The following EXOC3L2 variants were observed in gnomAD, a reference collection of about 807,000 sequenced individuals.
EXOC3L2 encodes the protein exocyst complex component 3-like protein 2.
In EXOC3L2, 17 loss-of-function variants were observed where a neutral mutation model predicts 44.4. That is an observed-to-expected ratio of 0.38 (90% CI 0.26 to 0.57). The LOEUF is 0.57. Among genes scored for constraint, EXOC3L2 ranks in the 20% least tolerant of loss-of-function variants. The pLI is 0.65. For missense variants in EXOC3L2, 541 were observed against 588.4 expected (o/e 0.92, Z 0.83); for synonymous variants, 256 against 253.7 (o/e 1.01, Z -0.09).
At chr19:45,235,872 C>G (rs78687179) in intron 2 of EXOC3L2, among the ~76,000 whole-genome samples, 3,523 of 152,228 alleles carry the variant, frequency 0.023, 146 homozygotes, top group African/African-American at 0.082. Context: ...AGGTCCCCAG[C>G]CCTGGAGCAG....
At chr19:45,219,366 C>T (rs1309347275) in intron 8 of EXOC3L2, among the ~76,000 whole-genome samples, 1 of 139,288 alleles carries the variant, frequency 7.2e-6, no homozygotes, top group Non-Finnish European at 1.5e-5. Flanking sequence ...TGCACTCCAG[C>T]CTGGGTAACA....
At chr19:45,227,838 G>T in intron 6 of EXOC3L2, 66 bp from the exon 7 acceptor site, 1 of 1,544,930 alleles carries the variant, frequency 6.5e-7, no homozygotes. Context: ...CACCCAGCCT[G>T]CCAAAGCCAC....
chr19:45,235,743 G>A (rs1970078086), intron 2 of EXOC3L2, among the ~76,000 whole-genome samples: 1 of 152,170 alleles, frequency 6.6e-6, no homozygotes, highest in African/African-American at 2.4e-5. Flanking sequence ...CAGAAGGCGG[G>A]GCTCTAGTCA....
chr19:45,234,240 C>T lies in EXOC3L2; in HGVS notation c.1110G>A (p.Leu370=), dbSNP rs972691203. The change falls in exon 3 of 12, where the codon CTG becomes CTA. Residue 370 remains leucine, a synonymous_variant. Coordinates refer to ENST00000413988, the MANE Select transcript of EXOC3L2 (RefSeq NM_001382422.1). This position sits in a 1 kb window ranked among gnomAD's most constrained non-coding sequence, Gnocchi z 5.0. ...LGASARRRLP[L]ADRYALLHWH... ...AGTGCAGCAGCGCGTAGCGGTCGGC[C>T]AGCGGCAGCCTGCGACGGGCGGAGG... 2.5e-6 allele frequency: 1 copy of T among 396,854 alleles called. No homozygotes were observed. Among genetic ancestry groups the T allele is most frequent in the Non-Finnish European group, 4.4e-6 (1 of 224,808 alleles). 24.6% of individuals were successfully genotyped at this position (396,854 alleles called of 1,614,324 possible).
chr19:45,223,766 C>T (rs2122967038), intron 8 of EXOC3L2, among the ~76,000 whole-genome samples: 1 of 151,068 alleles, frequency 6.6e-6, no homozygotes, highest in South Asian at 2.1e-4. Flanking sequence ...CCGAGGTGGG[C>T]AGATCACATG....
intron 8 of EXOC3L2, among the ~76,000 whole-genome samples, chr19:45,220,263 C>T (rs1969882597): frequency 6.6e-6 from 1 of 152,006 alleles, no homozygotes; most frequent in African/African-American, 2.4e-5. Context: ...TCAAGAATTG[C>T]TTGAGCCAAG....
At chr19:45,216,274 C>G (rs1969834118) in intron 10 of EXOC3L2, 80 bp from the exon 11 acceptor site, 2 of 1,543,056 alleles carry the variant, frequency 1.3e-6, no homozygotes, top group East Asian at 4.6e-5. Flanking sequence ...CTTGTTATAC[C>G]ATCTCTAAAA....
In EXOC3L2 at chr19:45,238,615, G is replaced by T. The variant is rs1275316787; in HGVS notation, c.431C>A (p.Ser144Tyr). ...LGRGSKPQRA[S>Y]LAERVVPAGE... is the part of the protein sequence containing the mutation. ...TGCAGGCACCACTCTCTCAGCCAGG[G>T]ACGCACGCTGGGGCTTGGATCCACG... Residue 144 changes from serine (S) to tyrosine (Y), a missense_variant, in exon 2 of 12, where the codon TCC becomes TAC. Physicochemically the swap from Ser to Tyr is moderately radical, Grantham distance 144 (BLOSUM62 -2). Transcript: ENST00000413988. The surrounding 1 kb of genome is among the most constrained non-coding windows in gnomAD (Gnocchi z 5.5). 1 of 399,232 alleles carries T rather than the reference G, an allele frequency of 2.5e-6. No individual in the cohort carries two copies. Among genetic ancestry groups the T allele is most frequent in the African/African-American group, 2.1e-5 (1 of 48,646 alleles). 24.7% of individuals were successfully genotyped at this position (399,232 alleles called of 1,614,324 possible). A position where few individuals can be genotyped will look rare whatever the true frequency, so the allele number is the denominator to read the frequency against.
intron 1 of EXOC3L2, among the ~76,000 whole-genome samples, chr19:45,244,951 C>T (rs939044944): frequency 1.3e-5 from 2 of 151,934 alleles, no homozygotes; most frequent in African/African-American, 4.8e-5. Flanking sequence ...TGTCTCCCAT[C>T]TCCGAGACCC....
chr19:45,241,632 C>G (rs559989367), intron 1 of EXOC3L2, among the ~76,000 whole-genome samples: 100 of 152,272 alleles, frequency 6.6e-4, no homozygotes, highest in African/African-American at 2.3e-3. Flanking sequence ...AGTGCTGTCC[C>G]GTAGCCTCCT....
chr19:45,241,306 G>A (rs148330810), intron 1 of EXOC3L2, among the ~76,000 whole-genome samples: 3 of 151,894 alleles, frequency 2.0e-5, no homozygotes, highest in African/African-American at 4.8e-5. Context: ...GTGAAACCTC[G>A]TCTCTACTAA....
At chr19:45,219,676 GC>G (rs1373349640) in intron 8 of EXOC3L2, among the ~76,000 whole-genome samples, 2 of 152,072 alleles carry the variant, frequency 1.3e-5, no homozygotes, top group Admixed American at 6.6e-5. Context: ...AACCTGTCTT[GC>G]CCCCTCTTTT....
intron 11 of EXOC3L2, 144 bp downstream of exon 11, chr19:45,215,929 T>C: frequency 1.7e-6 from 2 of 1,164,350 alleles, no homozygotes; most frequent in Non-Finnish European, 1.2e-6. Flanking sequence ...TTATTAATAA[T>C]GCCCTGGTTC....
At chr19:45,216,857 C>T (rs1969840650) in intron 10 of EXOC3L2, 1 of 152,130 alleles carries the variant, frequency 6.6e-6, no homozygotes, top group Non-Finnish European at 1.5e-5. Context: ...ATTCCAAGGA[C>T]TCCGGGCTTG....
chr19:45,239,937 C>T (rs922980828), intron 1 of EXOC3L2, among the ~76,000 whole-genome samples: 3 of 152,076 alleles, frequency 2.0e-5, no homozygotes, highest in African/African-American at 7.2e-5. Context: ...TATGGGGACT[C>T]AGGCCCTACC....
rs201323099 is a variant in EXOC3L2, at chr19:45,227,748, G to C, written c.1497C>G (p.Phe499Leu). 6.2e-7 allele frequency: 1 copy of C among 1,612,660 alleles called. No homozygotes were observed. The highest frequency in any genetic ancestry group is 2.2e-5 in the East Asian group (1 of 44,874). The part of the protein sequence containing the change: ...LQSFQQRVER[F>L]HENPAVREML... Reference sequence around the variant, plus strand: ...TCTCCCGGACTGCTGGGTTCTCATGGAATCGCTCCACACGCTGCTGGAAGC... The same window carrying C: ...TCTCCCGGACTGCTGGGTTCTCATGCAATCGCTCCACACGCTGCTGGAAGC... Residue 499 changes from phenylalanine to leucine, a missense_variant, in exon 7 of 12, where the codon TTC becomes TTG. Coordinates refer to ENST00000413988, the MANE Select transcript of EXOC3L2 (RefSeq NM_001382422.1).
At chr19:45,241,691 T>C (rs1006630886) in intron 1 of EXOC3L2, among the ~76,000 whole-genome samples, 1 of 152,088 alleles carries the variant, frequency 6.6e-6, no homozygotes, top group Non-Finnish European at 1.5e-5. Flanking sequence ...TGCTTCTACA[T>C]AGACGCCTGT....
At chr19:45,224,273 G>T (rs1433660825) in intron 8 of EXOC3L2, among the ~76,000 whole-genome samples, 1 of 152,096 alleles carries the variant, frequency 6.6e-6, no homozygotes, top group African/African-American at 2.4e-5. Flanking sequence ...TGGGATTTTG[G>T]CATTTGCTCT....
At chr19:45,226,797 G>A (rs1423259634) in intron 7 of EXOC3L2, among the ~76,000 whole-genome samples, 1 of 131,658 alleles carries the variant, frequency 7.6e-6, no homozygotes, top group Non-Finnish European at 1.5e-5. Flanking sequence ...CTGACGCCCA[G>A]GCTGGAGTGT....
Sources: gnomAD v4.1 joint callset for allele counts (sites outside exome capture counted in the v4.1 genomes callset) on GRCh38, gnomAD v4.1.1 for gene constraint, Gnocchi (gnomAD v3.1) non-coding constraint, MANE v1.5 for transcripts, NCBI Gene and HGNC (gene_info 2026-07-23, HGNC 2026-07-21) for gene names.